Variants in ZWILCH observed in about 807,000 individuals in gnomAD.
The protein encoded by ZWILCH is protein zwilch homolog.
ZWILCH carries 74 observed loss-of-function variants against 79.9 expected under a neutral mutation model. That is an observed-to-expected ratio of 0.93 (90% CI 0.77 to 1.12). ZWILCH has a LOEUF of 1.12. Ranked by LOEUF, ZWILCH falls within the 50% of genes most tolerant of loss-of-function variation. The probability of loss-of-function intolerance (pLI) is 0.00; values close to 1 mark genes in which losing one functional copy is unlikely to be tolerated. For missense variants in ZWILCH, 694 were observed against 687.5 expected (o/e 1.01, Z -0.11); for synonymous variants, 241 against 228.2 (o/e 1.06, Z -0.51).
In ZWILCH at chr15:66,548,423, T is replaced by C. The variant is rs1259201945; in HGVS notation, c.*99T>C. On this transcript the variant is annotated 3_prime_UTR_variant, in exon 19 of 19. Transcript: ENST00000307897. ...TGAAAACAGCAATGTATGGAAACCC[T>C]CAAAGCAGAAAAGGGAGGAAGATCC... is the stretch of plus-strand genomic sequence containing the variant. The C allele has an allele frequency of 1.0e-5, 8 of 802,724 alleles. No individual in the cohort carries two copies. Among genetic ancestry groups the C allele is most frequent in the African/African-American group, 3.4e-5 (2 of 58,800 alleles). The allele number at this position is 802,724 out of a possible 1,614,324, so 49.7% of individuals were successfully genotyped here.
chr15:66,511,436 T>C (rs1159212656), intron 2 of ZWILCH, among the ~76,000 whole-genome samples: 1 of 147,658 alleles, frequency 6.8e-6, no homozygotes, highest in Non-Finnish European at 1.5e-5. Flanking sequence ...AAGGCTACAG[T>C]GAGCCAAGAT....
chr15:66,541,701 C>T (rs934119352), intron 17 of ZWILCH, among the ~76,000 whole-genome samples: 4 of 152,158 alleles, frequency 2.6e-5, no homozygotes, highest in African/African-American at 9.7e-5. Context: ...TCTTCATGCA[C>T]GTGGGTTGTA....
At chr15:66,544,589 C>G (rs549143721) in intron 17 of ZWILCH, among the ~76,000 whole-genome samples, 23 of 152,186 alleles carry the variant, frequency 1.5e-4, no homozygotes, top group Non-Finnish European at 2.6e-4. Context: ...TTCCCCCTGG[C>G]TCAGCCTCCC....
chr15:66,540,248 C>A lies in ZWILCH; in HGVS notation c.1687+38C>A, dbSNP rs1051926596. 3.3e-6 allele frequency: 5 copies of A among 1,520,868 alleles called. No individual in the cohort carries two copies. The Admixed American group carries it at 7.1e-5, about 22-fold the overall frequency. The allele number at this position is 1,520,868 out of a possible 1,614,324, so 94.2% of individuals were successfully genotyped here. On this transcript the variant is annotated intron_variant, in intron 17 of 18. Coordinates refer to ENST00000307897, the MANE Select transcript of ZWILCH (RefSeq NM_017975.5). ...TATAATCTGTTCAGATAAATAATTC[C>A]AACAGAAAATAAACTAAGTCTGGCT...
Position 66,513,979 on chromosome 15 carries a change from T to A in ZWILCH, c.106-9T>A. Reference sequence around the variant, plus strand: ...TATGTATAATGTTGCTCGATACCTGTTTTAACAGGCTGATGTCCAAGTGCA... The same window carrying A: ...TATGTATAATGTTGCTCGATACCTGATTTAACAGGCTGATGTCCAAGTGCA... On this transcript the variant is annotated splice_polypyrimidine_tract_variant and intron_variant, in intron 2 of 18. Coordinates refer to ENST00000307897, the MANE Select transcript of ZWILCH (RefSeq NM_017975.5). 6.2e-7 allele frequency: 1 copy of A among 1,605,120 alleles called. No individual in the cohort carries two copies. Among genetic ancestry groups the A allele is most frequent in the Non-Finnish European group, 8.5e-7 (1 of 1,175,260 alleles).
intron 2 of ZWILCH, among the ~76,000 whole-genome samples, chr15:66,509,828 T>G (rs1413975635): frequency 7.4e-4 from 4 of 5,394 alleles, no homozygotes; most frequent in Non-Finnish European, 2.8e-3. Context: ...GCTACATATA[T>G]ATATATATAT....
chr15:66,508,123 C>T (rs1893897309), intron 1 of ZWILCH, among the ~76,000 whole-genome samples: 1 of 152,134 alleles, frequency 6.6e-6, no homozygotes, highest in East Asian at 1.9e-4. Flanking sequence ...TAAATGGTTT[C>T]TTGAAACAGT....
chr15:66,530,831 CA>C (rs1277044847), intron 12 of ZWILCH, among the ~76,000 whole-genome samples: 1 of 152,104 alleles, frequency 6.6e-6, no homozygotes, highest in Non-Finnish European at 1.5e-5. Flanking sequence ...GAACAAGGTA[CA>C]TTCCAGAGTA....
intron 14 of ZWILCH, among the ~76,000 whole-genome samples, chr15:66,535,248 C>T (rs1245168847): frequency 6.6e-6 from 1 of 152,076 alleles, no homozygotes; most frequent in African/African-American, 2.4e-5. Context: ...GAAGGTCCTG[C>T]CTGAGGCTCT....
rs141331169 is a variant in ZWILCH at position 66,520,605 on chromosome 15, C to T, written c.536C>T (p.Ser179Phe). The T allele has an allele frequency of 7.8e-4, 1,191 of 1,517,242 alleles. 2 individuals carry two copies. The highest frequency in any genetic ancestry group is 1.0e-3 in the Non-Finnish European group (1,119 of 1,099,344). The allele number at this position is 1,517,242 out of a possible 1,614,324, so 94.0% of individuals were successfully genotyped here. A position where few individuals can be genotyped will look rare whatever the true frequency, so the allele number is the denominator to read the frequency against. The change falls in exon 6 of 19, where the codon TCT becomes TTT. Residue 179 changes from serine (S) to phenylalanine (F), a missense_variant. Coordinates refer to ENST00000307897, the MANE Select transcript of ZWILCH (RefSeq NM_017975.5). ...VVSCKADKNY[S>F]VNLENLKNLH... is the part of the protein sequence containing the mutation. ...TTTCCTATAGCTGATAAAAATTATTCTGTAAATCTTGAAAACCTAAAAAAT... is the reference window on the plus strand; with the variant it reads ...TTTCCTATAGCTGATAAAAATTATTTTGTAAATCTTGAAAACCTAAAAAAT...
At chr15:66,523,793 T>A in intron 8 of ZWILCH, 45 bp downstream of exon 8, 1 of 1,429,374 alleles carries the variant, frequency 7.0e-7, no homozygotes, top group Non-Finnish European at 9.8e-7. Flanking sequence ...TATGTTTTTA[T>A]AAACATGTGT....
chr15:66,536,088 T>C lies in ZWILCH; in HGVS notation c.1478+19T>C. ...TAACACAGTAAGTACATCTGTATTC[T>C]TCACTTATATAGAAATGTATTTCTT... is the stretch of plus-strand genomic sequence containing the variant. On this transcript the variant is annotated intron_variant, in intron 15 of 18. Coordinates refer to ENST00000307897, the MANE Select transcript of ZWILCH (RefSeq NM_017975.5). 1 of 1,572,270 alleles carries C rather than the reference T, an allele frequency of 6.4e-7. No individual in the cohort carries two copies. The highest frequency in any genetic ancestry group is 8.6e-7 in the Non-Finnish European group (1 of 1,159,982).
chr15:66,510,384 C>CAA (rs201172747), intron 2 of ZWILCH, among the ~76,000 whole-genome samples: 5 of 77,634 alleles, frequency 6.4e-5, no homozygotes, highest in East Asian at 7.2e-4. Context: ...GAGACTATCT[C>CAA]AAAAAAAAAA....
intron 17 of ZWILCH, among the ~76,000 whole-genome samples, chr15:66,543,070 G>A (rs1895243727): frequency 6.6e-6 from 1 of 152,038 alleles, no homozygotes; most frequent in African/African-American, 2.4e-5. Context: ...ATGGTGACAT[G>A]TGCCTATAAT....
intron 1 of ZWILCH, 149 bp from the exon 2 acceptor site, chr15:66,508,692 C>T (rs906766610): frequency 1.2e-5 from 16 of 1,384,054 alleles, no homozygotes; most frequent in Non-Finnish European, 1.4e-5. Flanking sequence ...TTTTCTCTCT[C>T]TGCAACTACA....
rs1037678235 is a variant in ZWILCH at position 66,527,982 on chromosome 15, T to C, written c.969+70T>C. 5 of 1,345,232 alleles carry C rather than the reference T, an allele frequency of 3.7e-6. No homozygotes were observed. In the Admixed American group the frequency reaches 9.5e-5, roughly 25 times the overall value. 83.3% of individuals were successfully genotyped at this position (1,345,232 alleles called of 1,614,324 possible). The stretch of plus-strand genomic sequence containing the variant: ...TAAAATTCGGTTATGCTGACATCTT[T>C]CATGTTGTACCATCGCAAATGGATT... On this transcript the variant is annotated intron_variant, in intron 10 of 18. Coordinates refer to ENST00000307897, the MANE Select transcript of ZWILCH (RefSeq NM_017975.5).
chr15:66,507,876 T>G (rs1334564858), intron 1 of ZWILCH, among the ~76,000 whole-genome samples: 1 of 147,086 alleles, frequency 6.8e-6, no homozygotes, highest in Non-Finnish European at 1.5e-5. Flanking sequence ...GAGCTTGCAG[T>G]GAGCGGAGAT....
chr15:66,520,883 GATATATGGAAAGTATATATCCCAAAA>G (rs1311985182), intron 6 of ZWILCH, among the ~76,000 whole-genome samples, 141 bp from the exon 7 acceptor site: 18 of 152,178 alleles, frequency 1.2e-4, no homozygotes, highest in Middle Eastern at 3.4e-3. Context: ...TTCTATTTGG[GATATATGGAAAGTATATATCCCAAAA>G]ATATATGGAA....
chr15:66,544,829 C>T (rs184814546), intron 17 of ZWILCH, among the ~76,000 whole-genome samples: 2,499 of 150,300 alleles, frequency 0.017, 62 homozygotes, highest in African/African-American at 0.057. Flanking sequence ...CTGCAACCTC[C>T]GCCTCCCGGG....
Sources: gnomAD v4.1 joint callset for allele counts (sites outside exome capture counted in the v4.1 genomes callset) on GRCh38, gnomAD v4.1.1 for gene constraint, MANE v1.5 for transcripts, NCBI Gene and HGNC (gene_info 2026-07-23, HGNC 2026-07-21) for gene names.